Variants in CD300LD observed in about 807,000 individuals in gnomAD.
The protein encoded by CD300LD is CMRF35-like molecule 5.
In CD300LD, 18 loss-of-function variants were observed where a neutral mutation model predicts 20.3. The observed-to-expected ratio is 0.89, with a 90% CI of 0.61 to 1.32. The LOEUF is 1.32. Ranked by LOEUF, CD300LD falls within the 40% of genes most tolerant of loss-of-function variation. The pLI is 0.00. For missense variants in CD300LD, 195 were observed against 226.6 expected (o/e 0.86, Z 0.90); for synonymous variants, 104 against 90.1 (o/e 1.15, Z -0.87).
chr17:74,590,071 T>C (rs1191836851), intron 1 of CD300LD, among the ~76,000 whole-genome samples: 1 of 152,170 alleles, frequency 6.6e-6, no homozygotes, highest in Non-Finnish European at 1.5e-5. Flanking sequence ...TCCCATAATT[T>C]CCACATGTTG....
intron 3 of CD300LD, among the ~76,000 whole-genome samples, chr17:74,581,928 C>A (rs969893752): frequency 2.6e-5 from 4 of 152,162 alleles, no homozygotes; most frequent in African/African-American, 9.7e-5. Context: ...ACAGCAGGGG[C>A]CTATGGGGGT....
At chr17:74,583,374 A>C (rs1256964067) in intron 2 of CD300LD, among the ~76,000 whole-genome samples, 2 of 152,226 alleles carry the variant, frequency 1.3e-5, no homozygotes, top group Admixed American at 6.5e-5. Context: ...GCATGCGAGC[A>C]CAGAGGGGCA....
At chr17:74,589,895 G>A (rs559617992) in intron 1 of CD300LD, among the ~76,000 whole-genome samples, 2 of 152,330 alleles carry the variant, frequency 1.3e-5, no homozygotes, top group South Asian at 2.1e-4. Flanking sequence ...TCTCTGAAAC[G>A]CCAAGAGACA....
At chr17:74,591,209 T>C (rs1414134495) in intron 1 of CD300LD, among the ~76,000 whole-genome samples, 1 of 149,550 alleles carries the variant, frequency 6.7e-6, no homozygotes, top group East Asian at 2.0e-4. Flanking sequence ...AGCCCAGGAG[T>C]TTGAGACCAG....
intron 3 of CD300LD, 136 bp from the exon 4 acceptor site, chr17:74,580,249 T>G: frequency 1.6e-6 from 1 of 642,446 alleles, no homozygotes; most frequent in Non-Finnish European, 2.8e-6. Flanking sequence ...CCAGCCCCTT[T>G]GGTGGGGCAC....
chr17:74,590,319 T>C (rs918041797), intron 1 of CD300LD, among the ~76,000 whole-genome samples: 2 of 152,186 alleles, frequency 1.3e-5, no homozygotes, highest in Non-Finnish European at 2.9e-5. Flanking sequence ...TTTTTCTGTG[T>C]AATTTACTCA....
chr17:74,587,136 C>T (rs981667436), intron 2 of CD300LD, among the ~76,000 whole-genome samples: 11 of 148,828 alleles, frequency 7.4e-5, no homozygotes, highest in African/African-American at 2.5e-4. Flanking sequence ...GCAACAAGAG[C>T]GAAACTCCAT....
chr17:74,580,946 C>A (rs1012585475), intron 3 of CD300LD, among the ~76,000 whole-genome samples: 1 of 150,882 alleles, frequency 6.6e-6, no homozygotes, highest in Non-Finnish European at 1.5e-5. Context: ...AAAATTATAT[C>A]CAACTCCAGA....
intron 1 of CD300LD, 121 bp downstream of exon 1, chr17:74,592,042 C>T: frequency 1.2e-6 from 2 of 1,604,320 alleles, no homozygotes; most frequent in African/African-American, 1.3e-5. Flanking sequence ...TGAATATGGG[C>T]ATGGATGGAT....
At chr17:74,589,131 A>G (rs2030245990) in intron 1 of CD300LD, among the ~76,000 whole-genome samples, 1 of 152,226 alleles carries the variant, frequency 6.6e-6, no homozygotes, top group Non-Finnish European at 1.5e-5. Context: ...ATGGCCAGCA[A>G]ATCTTTATAT....
intron 2 of CD300LD, among the ~76,000 whole-genome samples, chr17:74,584,193 A>G (rs1848567862): frequency 6.6e-6 from 1 of 152,210 alleles, no homozygotes; most frequent in African/African-American, 2.4e-5. Context: ...CTAAATATGG[A>G]AGTGCTGAGG....
chr17:74,581,983 A>G (rs1387696751), intron 3 of CD300LD, among the ~76,000 whole-genome samples: 1 of 152,232 alleles, frequency 6.6e-6, no homozygotes, highest in South Asian at 2.1e-4. Flanking sequence ...AGAGTTAACA[A>G]ATAAAAGCAT....
chr17:74,584,163 A>G (rs946033417), intron 2 of CD300LD, among the ~76,000 whole-genome samples: 4 of 152,250 alleles, frequency 2.6e-5, no homozygotes, highest in Non-Finnish European at 1.5e-5. Context: ...GTGTGAACAT[A>G]AAACTTTCTA....
downstream of CD300LD, among the ~76,000 whole-genome samples, chr17:74,578,962 A>C (rs1009048969): frequency 2.4e-4 from 36 of 152,152 alleles, no homozygotes; most frequent in Admixed American, 1.8e-3. Context: ...AGTCCCCAAA[A>C]TGTATGGGTG....
At chr17:74,590,102 T>C (rs1456978764) in intron 1 of CD300LD, among the ~76,000 whole-genome samples, 2 of 152,088 alleles carry the variant, frequency 1.3e-5, no homozygotes, top group Non-Finnish European at 2.9e-5. Context: ...CAGTTGGGAG[T>C]TAATTGAATC....
chr17:74,580,617 T>A (rs2030012277), intron 3 of CD300LD, among the ~76,000 whole-genome samples: 1 of 152,170 alleles, frequency 6.6e-6, no homozygotes, highest in Non-Finnish European at 1.5e-5. Flanking sequence ...CCTGTTACTT[T>A]CTATGGATGT....
chr17:74,580,125 C>T lies in CD300LD; in HGVS notation c.474-12G>A, dbSNP rs763523974. ...TCTTGAGCGGGGACCTGTGGGAACA[C>T]GGTGACAGGAAATGAGCTGCCTCCT... On this transcript the variant is annotated splice_polypyrimidine_tract_variant and intron_variant, in intron 3 of 3. Transcript: ENST00000375352. 134 of 1,578,228 alleles carry T rather than the reference C, an allele frequency of 8.5e-5. No homozygotes were observed. Among genetic ancestry groups the T allele is most frequent in the Admixed American group, 1.2e-4 (7 of 57,914 alleles).
At chr17:74,584,047 G>A (rs2655602) in intron 2 of CD300LD, among the ~76,000 whole-genome samples, 1,612 of 152,058 alleles carry the variant, frequency 0.011, 36 homozygotes, top group African/African-American at 0.037. Flanking sequence ...GAACCACCAC[G>A]CCCAGCCTGT....
intron 1 of CD300LD, chr17:74,590,445 A>G (rs1489353712): frequency 2.0e-5 from 3 of 150,930 alleles, no homozygotes; most frequent in African/African-American, 4.9e-5. Context: ...TATGTTTGTT[A>G]TTATTATTAT....
Sources: gnomAD v4.1 joint callset for allele counts (sites outside exome capture counted in the v4.1 genomes callset) on GRCh38, gnomAD v4.1.1 for gene constraint, MANE v1.5 for transcripts, NCBI Gene and HGNC (gene_info 2026-07-23, HGNC 2026-07-21) for gene names.